Variants in SYT1 observed in about 807,000 individuals in gnomAD.
The protein encoded by SYT1 is synaptotagmin-1.
A neutral mutation model predicts 44.8 loss-of-function variants in SYT1; 8 were observed. The observed-to-expected ratio is 0.18, with a 90% CI of 0.10 to 0.32. The LOEUF (loss-of-function observed/expected upper bound fraction) is 0.32, where lower values mean the gene tolerates loss of function less well. Ranked by LOEUF, SYT1 falls within the 10% of genes least tolerant of loss-of-function variation. The pLI is 1.00. For synonymous variants in SYT1, 154 were observed against 188.8 expected, an observed-to-expected ratio of 0.82 and a Z score of 1.51; for missense variants, 286 against 509.3, an observed-to-expected ratio of 0.56 and a Z score of 4.22.
intron 3 of SYT1, among the ~76,000 whole-genome samples, chr12:79,184,228 CAT>C (rs1872689383): frequency 2.0e-5 from 3 of 151,910 alleles, no homozygotes; most frequent in Admixed American, 6.6e-5. Flanking sequence ...AGAATTCACT[CAT>C]GTTTTCCCTT....
intron 2 of SYT1, among the ~76,000 whole-genome samples, chr12:78,989,479 C>T (rs1041287058): frequency 2.6e-5 from 4 of 152,002 alleles, no homozygotes; most frequent in African/African-American, 7.3e-5. Context: ...AGGGCCTAGC[C>T]CCCCCGTTCC....
At chr12:78,967,561 T>G (rs1446499011) in intron 1 of SYT1, among the ~76,000 whole-genome samples, 2 of 152,168 alleles carry the variant, frequency 1.3e-5, no homozygotes, top group African/African-American at 4.8e-5. Context: ...ATTCAAGTTT[T>G]CTTATCAGAT....
chr12:78,901,657 T>G (rs1298090396), intron 1 of SYT1, among the ~76,000 whole-genome samples: 1 of 152,122 alleles, frequency 6.6e-6, no homozygotes, highest in East Asian at 1.9e-4. Context: ...TGAAAACAAG[T>G]CCAAATATTT....
intron 2 of SYT1, among the ~76,000 whole-genome samples, chr12:79,027,241 C>A (rs538998385): frequency 3.3e-5 from 5 of 151,536 alleles, no homozygotes; most frequent in Admixed American, 2.6e-4. Context: ...TTCCAGAGAC[C>A]CCTTTGCTGA....
intron 3 of SYT1, among the ~76,000 whole-genome samples, chr12:79,138,053 A>C (rs563898826): frequency 1.5e-4 from 23 of 152,324 alleles, no homozygotes; most frequent in South Asian, 1.0e-3. Context: ...TTTCACCATG[A>C]CAAGAAGGGC....
intron 1 of SYT1, among the ~76,000 whole-genome samples, chr12:78,958,786 T>A (rs933079629): frequency 2.6e-5 from 4 of 152,144 alleles, no homozygotes; most frequent in African/African-American, 9.7e-5. Context: ...AACCACACTA[T>A]GCTTAACCTC....
intron 2 of SYT1, among the ~76,000 whole-genome samples, chr12:79,041,902 G>A (rs1390758288): frequency 1.3e-5 from 2 of 152,070 alleles, no homozygotes; most frequent in South Asian, 4.1e-4. Context: ...TTTGTCTTTG[G>A]TTCTGTTTAT....
At chr12:79,092,720 C>T (rs1296639243) in intron 3 of SYT1, among the ~76,000 whole-genome samples, 2 of 151,658 alleles carry the variant, frequency 1.3e-5, no homozygotes, top group South Asian at 2.1e-4. Flanking sequence ...CATCAGAAAA[C>T]TATATTCAAT....
chr12:79,278,954 AG>A (rs1878892428), intron 4 of SYT1, among the ~76,000 whole-genome samples: 1 of 151,618 alleles, frequency 6.6e-6, no homozygotes, highest in Non-Finnish European at 1.5e-5. Flanking sequence ...AGCCTGAATC[AG>A]GAAGAAATAG....
intron 3 of SYT1, among the ~76,000 whole-genome samples, chr12:79,152,920 C>A (rs1870366646): frequency 1.3e-5 from 2 of 149,160 alleles, no homozygotes; most frequent in Non-Finnish European, 3.0e-5. Context: ...CTAGGAGAAA[C>A]CTTAGGTTTT....
intron 1 of SYT1, among the ~76,000 whole-genome samples, chr12:78,948,113 AAGAG>A (rs1200437062): frequency 6.6e-6 from 1 of 151,800 alleles, no homozygotes; most frequent in African/African-American, 2.4e-5. Context: ...AATTAAGAAA[AAGAG>A]AGCACTATTA....
At chr12:79,287,650 G>A (rs927020586) in intron 5 of SYT1, among the ~76,000 whole-genome samples, 1 of 152,102 alleles carries the variant, frequency 6.6e-6, no homozygotes, top group Non-Finnish European at 1.5e-5. Context: ...ATAATGTTAA[G>A]TGATAACGAT....
intron 1 of SYT1, among the ~76,000 whole-genome samples, chr12:78,893,116 TGAG>T (rs1241859092): frequency 6.6e-6 from 1 of 151,812 alleles, no homozygotes; most frequent in Non-Finnish European, 1.5e-5. Flanking sequence ...ATGTACTTAC[TGAG>T]GAGGAGTCTA....
intron 1 of SYT1, among the ~76,000 whole-genome samples, chr12:78,975,135 T>G (rs1592623177): frequency 1.0e-5 from 1 of 99,230 alleles, no homozygotes; most frequent in Non-Finnish European, 1.9e-5. Context: ...CCCGACTAAC[T>G]CCTGGTCACT....
chr12:79,043,459 T>G (rs953497253), intron 2 of SYT1, among the ~76,000 whole-genome samples: 2 of 148,608 alleles, frequency 1.3e-5, no homozygotes, highest in Non-Finnish European at 3.0e-5. Flanking sequence ...CCCTGCCTTT[T>G]TTTGTTTTCC....
chr12:79,290,550 A>G (rs1879532058), intron 5 of SYT1, among the ~76,000 whole-genome samples: 1 of 152,162 alleles, frequency 6.6e-6, no homozygotes, highest in African/African-American at 2.4e-5. Context: ...TTTGAGTTCT[A>G]TGAGAATTCT....
chr12:79,367,112 C>T (rs1336471615), intron 9 of SYT1, among the ~76,000 whole-genome samples: 1 of 152,130 alleles, frequency 6.6e-6, no homozygotes, highest in East Asian at 1.9e-4. Context: ...TTTCTACGAT[C>T]TTCAGTTTGT....
At position 79,091,696 on chromosome 12, in the gene SYT1, A is replaced by G. The variant is rs567464654; in HGVS notation, c.-18+44334A>G. On this transcript the variant is annotated intron_variant, in intron 3 of 10. Coordinates refer to ENST00000261205, the MANE Select transcript of SYT1 (RefSeq NM_005639.3). ...CAGTCAGACATTAGAGGAAACTAAC[A>G]ATTTCAGAATCCAGTCTAAATTGTA... Among the ~76,000 whole-genome samples the G allele has an allele frequency of 2.0e-3, 306 of 152,104 alleles. 2 individuals are homozygous for G. The highest frequency in any genetic ancestry group is 3.9e-3 in the Non-Finnish European group (263 of 67,916).
intron 2 of SYT1, among the ~76,000 whole-genome samples, chr12:79,041,006 C>T (rs1325363581): frequency 6.6e-6 from 1 of 151,752 alleles, no homozygotes; most frequent in African/African-American, 2.4e-5. Flanking sequence ...TACCAGTACC[C>T]TGCTGTTTTG....
Sources: gnomAD v4.1 joint callset for allele counts (sites outside exome capture counted in the v4.1 genomes callset) on GRCh38, gnomAD v4.1.1 for gene constraint, MANE v1.5 for transcripts, NCBI Gene and HGNC (gene_info 2026-07-23, HGNC 2026-07-21) for gene names.